Variants in KCNIP4 observed in about 807,000 individuals in gnomAD.
KCNIP4 encodes the protein Kv channel-interacting protein 4.
KCNIP4 carries 12 observed loss-of-function variants against 34.0 expected under a neutral mutation model. The ratio of observed to expected loss-of-function variants is 0.35; its 90% confidence interval spans 0.23 to 0.57. The LOEUF (loss-of-function observed/expected upper bound fraction) is 0.57. KCNIP4 is among the 20% of genes least tolerant of loss of function. The pLI, the probability that KCNIP4 is intolerant of heterozygous loss-of-function variation, is 0.83. For missense variants in KCNIP4, 238 were observed against 311.7 expected, an observed-to-expected ratio of 0.76 and a Z score of 1.78; for synonymous variants, 124 against 102.2, an observed-to-expected ratio of 1.21 and a Z score of -1.29.
rs966726903 is a variant in KCNIP4, at chr4:21,668,296, A to G, written c.61+280275T>C. Among the ~76,000 whole-genome samples the G allele has an allele frequency of 3.3e-5, 5 of 152,124 alleles. No individual in the cohort carries two copies. The East Asian group carries it at 9.7e-4, about 29-fold the overall frequency. ...CAGGTTCAGCAAACCACCATGGCAC[A>G]GGTATACCTATGTAACAAACCTACA... On this transcript the variant is annotated intron_variant, in intron 1 of 8. Coordinates refer to ENST00000382152, the MANE Select transcript of KCNIP4 (RefSeq NM_025221.6).
chr4:21,451,275 G>A (rs1021636679), intron 1 of KCNIP4, among the ~76,000 whole-genome samples: 1 of 152,244 alleles, frequency 6.6e-6, no homozygotes. Flanking sequence ...AATAGCAGCA[G>A]CATAAGGTGA....
intron 1 of KCNIP4, among the ~76,000 whole-genome samples, chr4:21,298,207 C>T (rs1763951954): frequency 2.0e-5 from 3 of 152,232 alleles, no homozygotes; most frequent in Admixed American, 1.3e-4. Context: ...CTCCCTTGTA[C>T]TCTGTTCTCA....
chr4:21,325,732 C>T (rs578074168), intron 1 of KCNIP4, among the ~76,000 whole-genome samples: 64 of 151,796 alleles, frequency 4.2e-4, no homozygotes, highest in South Asian at 1.0e-3. Context: ...TGGGCACTTA[C>T]GGCCATAAAT....
intron 1 of KCNIP4, among the ~76,000 whole-genome samples, chr4:20,926,385 G>C (rs1049088486): frequency 2.0e-5 from 3 of 152,152 alleles, no homozygotes; most frequent in Non-Finnish European, 4.4e-5. Context: ...GTGAAAGATT[G>C]GACAATAGAT....
chr4:21,356,533 C>A (rs375556832), intron 1 of KCNIP4, among the ~76,000 whole-genome samples: 1 of 151,962 alleles, frequency 6.6e-6, no homozygotes, highest in African/African-American at 2.4e-5. Flanking sequence ...CAGACAAACA[C>A]AGAGCCAAAT....
intron 1 of KCNIP4, among the ~76,000 whole-genome samples, chr4:21,386,288 T>C (rs967152476): frequency 6.6e-6 from 1 of 152,108 alleles, no homozygotes; most frequent in Non-Finnish European, 1.5e-5. Flanking sequence ...GTTCCTCAAA[T>C]AGTATATAAG....
Position 20,882,665 on chromosome 4 carries a change from G to T in KCNIP4, c.106C>A (p.Arg36=). Residue 36 remains arginine, a synonymous_variant, in exon 2 of 9, where the codon CGG becomes AGG. Transcript: ENST00000382152. ...QNSTKRSIKE[R]LMKLLPCSAA... Reference sequence around the variant, plus strand: ...GAGCAGGGCAAGAGCTTCATGAGCCGCTCTTTAATGCTGCGCTTGGTGCTG... The same window carrying T: ...GAGCAGGGCAAGAGCTTCATGAGCCTCTCTTTAATGCTGCGCTTGGTGCTG... The T allele has an allele frequency of 6.2e-7, 1 of 1,613,614 alleles. No homozygotes were observed. The highest frequency in any genetic ancestry group is 8.5e-7 in the Non-Finnish European group (1 of 1,179,848).
At chr4:21,552,749 C>A (rs190143640) in intron 1 of KCNIP4, among the ~76,000 whole-genome samples, 3 of 152,168 alleles carry the variant, frequency 2.0e-5, no homozygotes, top group African/African-American at 7.2e-5. Context: ...GGCAGATTGA[C>A]CTTTCTTGAG....
intron 1 of KCNIP4, among the ~76,000 whole-genome samples, chr4:20,917,631 G>A (rs1252264014): frequency 6.6e-6 from 1 of 152,108 alleles, no homozygotes; most frequent in Admixed American, 6.5e-5. Context: ...TGCCAGGACT[G>A]AGACACTGAA....
intron 3 of KCNIP4, among the ~76,000 whole-genome samples, chr4:20,821,880 A>ATCTC (rs149854781): frequency 6.7e-6 from 1 of 150,102 alleles, no homozygotes; most frequent in South Asian, 2.1e-4. Flanking sequence ...GTATCTATGT[A>ATCTC]TCTCTCTCTC....
At chr4:21,832,549 G>C (rs1723051975) in intron 1 of KCNIP4, among the ~76,000 whole-genome samples, 1 of 151,164 alleles carries the variant, frequency 6.6e-6, no homozygotes, top group South Asian at 2.1e-4. Context: ...AACAATTCCA[G>C]ATGAATTAAA....
intron 1 of KCNIP4, among the ~76,000 whole-genome samples, chr4:21,490,012 A>G (rs1732249022): frequency 6.6e-6 from 1 of 152,162 alleles, no homozygotes; most frequent in African/African-American, 2.4e-5. Flanking sequence ...GCTACAGAAG[A>G]ATTTTGAGAA....
chr4:21,288,784 C>A (rs572150691), intron 1 of KCNIP4, among the ~76,000 whole-genome samples: 24 of 152,122 alleles, frequency 1.6e-4, no homozygotes, highest in Admixed American at 2.6e-4. Context: ...TCTTTGCTGG[C>A]AACTGCACCT....
chr4:21,044,841 T>G (rs1406942346), intron 1 of KCNIP4, among the ~76,000 whole-genome samples: 1 of 152,190 alleles, frequency 6.6e-6, no homozygotes, highest in African/African-American at 2.4e-5. Flanking sequence ...CCTTCAACAC[T>G]CAGGGATCTT....
intron 3 of KCNIP4, among the ~76,000 whole-genome samples, chr4:20,828,489 T>C (rs1169323439): frequency 6.6e-6 from 1 of 152,122 alleles, no homozygotes; most frequent in African/African-American, 2.4e-5. Context: ...TATGAGAAGG[T>C]CCATATTGTG....
intron 1 of KCNIP4, among the ~76,000 whole-genome samples, chr4:21,015,649 G>A (rs1484909863): frequency 3.5e-5 from 4 of 113,550 alleles, no homozygotes; most frequent in African/African-American, 1.9e-4. Context: ...ATATAATATA[G>A]TATATTGTAT....
At chr4:21,643,101 G>A (rs1165332710) in intron 1 of KCNIP4, among the ~76,000 whole-genome samples, 1 of 152,162 alleles carries the variant, frequency 6.6e-6, no homozygotes, top group African/African-American at 2.4e-5. Flanking sequence ...ACAGAAATGG[G>A]AACTGTGTCA....
chr4:21,436,783 T>C (rs1726976442), intron 1 of KCNIP4, among the ~76,000 whole-genome samples: 5 of 152,218 alleles, frequency 3.3e-5, no homozygotes, highest in Non-Finnish European at 5.9e-5. Flanking sequence ...AATTATCCAA[T>C]AAATGTCGGC....
At chr4:20,925,907 C>T (rs78344027) in intron 1 of KCNIP4, among the ~76,000 whole-genome samples, 1,954 of 152,150 alleles carry the variant, frequency 0.013, 51 homozygotes, top group African/African-American at 0.045. Flanking sequence ...TTAATTCTAC[C>T]AGCAACAAAT....
Sources: allele counts gnomAD v4.1 joint callset (sites outside exome capture counted in the v4.1 genomes callset), GRCh38; gene constraint gnomAD v4.1.1; transcripts MANE v1.5; gene names NCBI Gene and HGNC (gene_info 2026-07-23, HGNC 2026-07-21).